Variants in MYO16 observed in about 807,000 individuals in gnomAD.
MYO16 encodes unconventional myosin-XVI.
Under a neutral mutation model 205.3 loss-of-function variants are expected in MYO16, and 94 were observed. The observed-to-expected ratio is 0.46, with a 90% CI of 0.39 to 0.54. MYO16 has a LOEUF of 0.54. MYO16 is among the 20% of genes least tolerant of loss of function. The pLI is 0.00. For missense variants in MYO16, 2,315 were observed against 2,387.5 expected, an observed-to-expected ratio of 0.97 and a Z score of 0.63; for synonymous variants, 988 against 954.0, an observed-to-expected ratio of 1.04 and a Z score of -0.66.
At chr13:108,923,205 T>C (rs1168463395) in intron 16 of MYO16, among the ~76,000 whole-genome samples, 1 of 152,212 alleles carries the variant, frequency 6.6e-6, no homozygotes, top group Non-Finnish European at 1.5e-5. Flanking sequence ...ACCTGGGGGC[T>C]GCGTGTATCC....
chr13:108,786,327 C>T (rs191997205), intron 5 of MYO16, among the ~76,000 whole-genome samples: 4 of 152,276 alleles, frequency 2.6e-5, no homozygotes, highest in African/African-American at 9.6e-5. Flanking sequence ...TATACAGGTC[C>T]AGCATATAAT....
rs185220061 is a variant in MYO16 at position 108,643,402 on chromosome 13, A to G, written c.28+13530A>G. 6.4e-4 allele frequency among the ~76,000 whole-genome samples: 97 copies of G among 152,322 alleles called. 1 individual carries two copies. Among genetic ancestry groups the G allele is most frequent in the African/African-American group, 2.2e-3 (91 of 41,576 alleles). ...CCATGGTTTGTTGAACTATTCACCTATTGAAAGACATTCCGGTTGATTGTA... is the reference window on the plus strand; with the variant it reads ...CCATGGTTTGTTGAACTATTCACCTGTTGAAAGACATTCCGGTTGATTGTA... On this transcript the variant is annotated intron_variant, in intron 1 of 34. Transcript: ENST00000457511.
intron 32 of MYO16, among the ~76,000 whole-genome samples, chr13:109,161,091 C>T (rs774964326): frequency 5.9e-5 from 9 of 152,106 alleles, no homozygotes; most frequent in Non-Finnish European, 7.4e-5. Context: ...TGTTTATGAG[C>T]GGAGGCTGAT....
intron 16 of MYO16, among the ~76,000 whole-genome samples, chr13:108,940,034 G>T (rs7984265): frequency 0.078 from 11,898 of 152,056 alleles, 703 homozygotes; most frequent in African/African-American, 0.17. Flanking sequence ...TTTCTTAATT[G>T]TCTCTTACAC....
In MYO16 at chr13:109,100,701, G is replaced by A. The variant is rs563520513; in HGVS notation, c.3336-84G>A. ...AAAGACGGGGAAACTTTTGGGAAAC[G>A]ATGTAACAAAGACAGCCCTGTTGAA... On this transcript the variant is annotated intron_variant, in intron 27 of 34. Coordinates refer to ENST00000457511, the MANE Select transcript of MYO16 (RefSeq NM_001198950.3). The A allele has an allele frequency of 1.9e-4, 205 of 1,070,722 alleles. 2 individuals are homozygous for A. In the Middle Eastern group the frequency reaches 3.1e-3, roughly 16 times the overall value. 66.3% of individuals were successfully genotyped at this position (1,070,722 alleles called of 1,614,324 possible).
intron 1 of MYO16, among the ~76,000 whole-genome samples, chr13:108,609,851 A>G (rs1328275864): frequency 6.6e-6 from 1 of 152,124 alleles, no homozygotes; most frequent in African/African-American, 2.4e-5. Context: ...TAAAAGCCTC[A>G]TGGAATGGCC....
chr13:108,737,329 T>C (rs56066456), intron 4 of MYO16, among the ~76,000 whole-genome samples: 1 of 152,316 alleles, frequency 6.6e-6, no homozygotes, highest in African/African-American at 2.4e-5. Flanking sequence ...CCTAATTTAT[T>C]GAGAGTTTTT....
chr13:108,963,878 A>G (rs550975676), intron 19 of MYO16, among the ~76,000 whole-genome samples: 51 of 151,924 alleles, frequency 3.4e-4, no homozygotes, highest in Non-Finnish European at 6.5e-4. Flanking sequence ...CAATTTCACA[A>G]TGTCATAAAT....
At chr13:108,816,843 C>G (rs372620747) in intron 7 of MYO16, among the ~76,000 whole-genome samples, 1 of 152,268 alleles carries the variant, frequency 6.6e-6, no homozygotes, top group African/African-American at 2.4e-5. Flanking sequence ...CCGAAAAATT[C>G]ATCCAGATCA....
chr13:108,850,248 T>C (rs936255853), intron 10 of MYO16, among the ~76,000 whole-genome samples: 6 of 152,224 alleles, frequency 3.9e-5, no homozygotes, highest in African/African-American at 1.4e-4. Flanking sequence ...TCCCTGGACA[T>C]GTGCTACCAA....
chr13:108,586,506 T>C, the MYO16 span, among the ~76,000 whole-genome samples: 5 of 152,194 alleles, frequency 3.3e-5, no homozygotes, highest in Non-Finnish European at 1.5e-5. Flanking sequence ...TCTAGAGATT[T>C]TTATTGCTGC....
At chr13:109,144,060 G>A (rs1265850191) in intron 32 of MYO16, among the ~76,000 whole-genome samples, 1 of 141,826 alleles carries the variant, frequency 7.1e-6, no homozygotes, top group East Asian at 2.1e-4. Context: ...TTTTGCTCTT[G>A]TTGGAGGGCA....
At chr13:108,955,723 C>T (rs1025783028) in intron 16 of MYO16, among the ~76,000 whole-genome samples, 7 of 152,206 alleles carry the variant, frequency 4.6e-5, no homozygotes, top group South Asian at 2.1e-4. Flanking sequence ...CGGTGGCAGG[C>T]GCCTGTAATC....
chr13:108,856,029 G>A (rs17485292), intron 11 of MYO16, among the ~76,000 whole-genome samples: 6,535 of 152,274 alleles, frequency 0.043, 189 homozygotes, highest in Non-Finnish European at 0.062. Flanking sequence ...TCTTTGTAAA[G>A]TAAATAATTT....
At chr13:108,566,625 G>A in the MYO16 span, among the ~76,000 whole-genome samples, 2 of 150,458 alleles carry the variant, frequency 1.3e-5, no homozygotes, top group Admixed American at 1.3e-4. Context: ...GAGTGAGACT[G>A]TGTAAGAAAG....
chr13:109,118,690 A>G (rs868036737), intron 28 of MYO16, among the ~76,000 whole-genome samples: 12 of 152,118 alleles, frequency 7.9e-5, no homozygotes, highest in African/African-American at 2.9e-4. Context: ...CTCCTTTCCA[A>G]TGCCTGTCTC....
At chr13:108,727,625 C>G in intron 4 of MYO16, 42 bp downstream of exon 4, 2 of 1,581,104 alleles carry the variant, frequency 1.3e-6, no homozygotes, top group Non-Finnish European at 1.7e-6. Flanking sequence ...GATTTGATGG[C>G]ATGTAAAAGG....
At chr13:108,700,701 C>A (rs1056971669) in intron 2 of MYO16, among the ~76,000 whole-genome samples, 1 of 152,184 alleles carries the variant, frequency 6.6e-6, no homozygotes, top group African/African-American at 2.4e-5. Flanking sequence ...AAACAACCAG[C>A]AGGAACCCTT....
chr13:108,818,318 C>T (rs1285729004), intron 7 of MYO16, among the ~76,000 whole-genome samples: 1 of 150,764 alleles, frequency 6.6e-6, no homozygotes, highest in African/African-American at 2.4e-5. Context: ...TGGGAGAAGG[C>T]GGTTGCGGTG....
Sources: gnomAD v4.1 joint callset for allele counts (sites outside exome capture counted in the v4.1 genomes callset) on GRCh38, gnomAD v4.1.1 for gene constraint, MANE v1.5 for transcripts, NCBI Gene and HGNC (gene_info 2026-07-23, HGNC 2026-07-21) for gene names.